RSF1: variants seen among roughly 807,000 people sequenced by gnomAD.
RSF1 encodes remodeling and spacing factor 1, also known as HBV pX-associated protein 8.
In RSF1, 13 loss-of-function variants were observed where a neutral mutation model predicts 145.2. That is an observed-to-expected ratio of 0.09 (90% CI 0.06 to 0.14). The LOEUF (loss-of-function observed/expected upper bound fraction) is 0.14, where lower values mean the gene tolerates loss of function less well. Among genes scored for constraint, RSF1 ranks in the 10% least tolerant of loss-of-function variants. The pLI, the probability that RSF1 is intolerant of heterozygous loss-of-function variation, is 1.00. For synonymous variants in RSF1, 577 were observed against 592.6 expected (o/e 0.97, Z 0.38); for missense variants, 1,517 against 1,718.2 (o/e 0.88, Z 2.07).
intron 5 of RSF1, among the ~76,000 whole-genome samples, chr11:77,711,910 T>G (rs1281932166): frequency 6.6e-6 from 1 of 152,180 alleles, no homozygotes; most frequent in Admixed American, 6.5e-5. Flanking sequence ...GTCTCCTCCA[T>G]TCCTCATTCT....
chr11:77,724,923 G>T (rs1379551382), intron 5 of RSF1, among the ~76,000 whole-genome samples: 12 of 152,206 alleles, frequency 7.9e-5, no homozygotes, highest in Admixed American at 7.9e-4. Flanking sequence ...TGGCCTGGGG[G>T]TTGGGGACCC....
intron 1 of RSF1, among the ~76,000 whole-genome samples, chr11:77,789,852 T>C (rs1389122959): frequency 6.6e-6 from 1 of 152,172 alleles, no homozygotes; most frequent in East Asian, 1.9e-4. Flanking sequence ...AGCCCACCAC[T>C]GTTGGTATGT....
chr11:77,709,617 G>T (rs1205011761), intron 5 of RSF1, among the ~76,000 whole-genome samples: 1 of 152,136 alleles, frequency 6.6e-6, no homozygotes, highest in Non-Finnish European at 1.5e-5. Context: ...CTATCAAGAT[G>T]CACATAATGG....
At chr11:77,852,224 C>CAAAAAAAAAAAAAAAAAAAAAA in the RSF1 span, among the ~76,000 whole-genome samples, 31 of 33,464 alleles carry the variant, frequency 9.3e-4, no homozygotes, top group Non-Finnish European at 1.2e-3. Flanking sequence ...GACACTGTCT[C>CAAAAAAAAAAAAAAAAAAAAAA]AAAAAAAAAA....
the RSF1 span, chr11:77,869,858 G>C: frequency 6.3e-7 from 1 of 1,578,612 alleles, no homozygotes; most frequent in Non-Finnish European, 8.7e-7. Flanking sequence ...GACAGGTGGG[G>C]ATCTCTTGGG....
chr11:77,850,953 CTTTTTTTT>C, the RSF1 span: 1 of 119,562 alleles, frequency 8.4e-6, no homozygotes, highest in African/African-American at 3.2e-5. Context: ...ACAATAATAT[CTTTTTTTT>C]TTTTTTTTTT....
the RSF1 span, among the ~76,000 whole-genome samples, chr11:77,860,227 G>A: frequency 2.6e-5 from 4 of 152,190 alleles, no homozygotes; most frequent in Non-Finnish European, 5.9e-5. Context: ...TCTGCTTCAG[G>A]TTTCCACCTT....
intron 1 of RSF1, among the ~76,000 whole-genome samples, chr11:77,778,104 A>AT (rs1948360746): frequency 5.4e-4 from 1 of 1,860 alleles, no homozygotes. Flanking sequence ...CTGTCTTGGG[A>AT]AGGGGAGGGG....
chr11:77,847,761 G>A, the RSF1 span, among the ~76,000 whole-genome samples: 1 of 152,150 alleles, frequency 6.6e-6, no homozygotes, highest in Non-Finnish European at 1.5e-5. Context: ...TAGTGTATTA[G>A]TCAGGGTTCT....
intron 1 of RSF1, among the ~76,000 whole-genome samples, chr11:77,771,785 G>A (rs562068199): frequency 6.6e-5 from 10 of 152,292 alleles, no homozygotes; most frequent in African/African-American, 2.2e-4. Flanking sequence ...CCATAGGATA[G>A]AGATTACTTT....
intron 5 of RSF1, among the ~76,000 whole-genome samples, chr11:77,716,556 G>C (rs1230631236): frequency 1.3e-5 from 2 of 152,188 alleles, no homozygotes; most frequent in Non-Finnish European, 2.9e-5. Flanking sequence ...CTTACATGTG[G>C]AATCTTAGAG....
intron 4 of RSF1, among the ~76,000 whole-genome samples, chr11:77,736,417 C>T (rs1961354079): frequency 6.6e-6 from 1 of 152,180 alleles, no homozygotes; most frequent in African/African-American, 2.4e-5. Context: ...TCAGAGTCTG[C>T]CATTCAAACA....
the RSF1 span, among the ~76,000 whole-genome samples, chr11:77,865,821 A>G: frequency 6.6e-6 from 1 of 152,192 alleles, no homozygotes; most frequent in Non-Finnish European, 1.5e-5. Flanking sequence ...ATAATCTTAC[A>G]TATCTTCTTT....
intron 3 of RSF1, among the ~76,000 whole-genome samples, chr11:77,744,122 G>A (rs948545393): frequency 4.6e-5 from 7 of 151,822 alleles, no homozygotes; most frequent in East Asian, 1.9e-4. Flanking sequence ...TCTGCCTCCC[G>A]AGCTCAAGCA....
chr11:77,661,603 C>T lies in RSF1; in HGVS notation c.*5314G>A, dbSNP rs1159391300. On this transcript the variant is annotated 3_prime_UTR_variant, in exon 16 of 16. Transcript: ENST00000308488. ...AAAAGACATGGCACAAATTTTTAAA[C>T]AATTTTAGGTTTAATTACATAATGC... The T allele has an allele frequency of 6.6e-6, 1 of 151,894 alleles. No homozygotes were observed. The highest frequency in any genetic ancestry group is 1.5e-5 in the Non-Finnish European group (1 of 67,940). The allele number at this position is 151,894 out of a possible 1,614,324, so 9.4% of individuals were successfully genotyped here. A position where few individuals can be genotyped will look rare whatever the true frequency, so the allele number is the denominator to read the frequency against.
chr11:77,672,836 C>T (rs1046207181), intron 14 of RSF1, among the ~76,000 whole-genome samples: 4 of 152,132 alleles, frequency 2.6e-5, no homozygotes, highest in African/African-American at 4.8e-5. Flanking sequence ...GTACCCGCCA[C>T]CACATCTGGC....
chr11:77,828,218 T>G, the RSF1 span, among the ~76,000 whole-genome samples: 3 of 151,954 alleles, frequency 2.0e-5, no homozygotes, highest in Admixed American at 6.6e-5. Context: ...GAGGTTGCAG[T>G]GAGCCAAAAT....
chr11:77,754,644 G>C (rs1948097984), intron 2 of RSF1, among the ~76,000 whole-genome samples: 1 of 151,322 alleles, frequency 6.6e-6, no homozygotes, highest in South Asian at 2.1e-4. Flanking sequence ...GTGGGGGTGA[G>C]GGGGTGGGGC....
the RSF1 span, among the ~76,000 whole-genome samples, chr11:77,830,652 A>G: frequency 1.8e-3 from 270 of 152,068 alleles, 2 homozygotes; most frequent in Middle Eastern, 6.8e-3. Flanking sequence ...ATTCAGTCCC[A>G]TAGGTCCGTG....
Sources: gnomAD v4.1 joint callset for allele counts (sites outside exome capture counted in the v4.1 genomes callset) on GRCh38, gnomAD v4.1.1 for gene constraint, MANE v1.5 for transcripts, NCBI Gene and HGNC (gene_info 2026-07-23, HGNC 2026-07-21) for gene names.